Variants in SLC15A2 observed in about 807,000 individuals in gnomAD.
SLC15A2 encodes kidney H(+)/peptide cotransporter.
Under a neutral mutation model 95.5 loss-of-function variants are expected in SLC15A2, and 77 were observed. The observed-to-expected ratio is 0.81, with a 90% CI of 0.67 to 0.97. SLC15A2 has a LOEUF of 0.97. Among genes scored for constraint, SLC15A2 ranks in the 50% least tolerant of loss-of-function variants. The pLI is 0.00. For synonymous variants in SLC15A2, 306 were observed against 306.9 expected (o/e 1.00, Z 0.03); for missense variants, 893 against 874.4 (o/e 1.02, Z -0.27).
intron 1 of SLC15A2, among the ~76,000 whole-genome samples, chr3:121,894,958 G>C (rs1244683179): frequency 6.6e-6 from 1 of 152,194 alleles, no homozygotes; most frequent in Non-Finnish European, 1.5e-5. Context: ...CTCCCTGTGT[G>C]CAGAGTCTTC....
intron 13 of SLC15A2, among the ~76,000 whole-genome samples, chr3:121,925,781 TAAA>T (rs200367167): frequency 3.0e-4 from 12 of 39,380 alleles, no homozygotes; most frequent in Admixed American, 5.8e-4. Context: ...TATATATATA[TAAA>T]ATACAACTAC....
chr3:121,938,065 G>A (rs1046204923), intron 19 of SLC15A2, among the ~76,000 whole-genome samples: 91 of 147,308 alleles, frequency 6.2e-4, no homozygotes, highest in South Asian at 1.3e-3. Context: ...GTGCCTCCCA[G>A]TTAGGCTGCT....
chr3:121,896,922 G>C (rs1881996), intron 2 of SLC15A2, among the ~76,000 whole-genome samples: 5 of 130,192 alleles, frequency 3.8e-5, no homozygotes, highest in South Asian at 4.9e-4. Flanking sequence ...AAAAAAAAGG[G>C]GGGGGAGGGA....
intron 13 of SLC15A2, among the ~76,000 whole-genome samples, chr3:121,927,093 G>A (rs1250584235): frequency 6.6e-6 from 1 of 152,182 alleles, no homozygotes; most frequent in South Asian, 2.1e-4. Context: ...TAGGCTCATG[G>A]GTGGAAGGGA....
At chr3:121,913,377 G>A (rs1709813574) in intron 5 of SLC15A2, among the ~76,000 whole-genome samples, 1 of 152,208 alleles carries the variant, frequency 6.6e-6, no homozygotes, top group Non-Finnish European at 1.5e-5. Flanking sequence ...AGTTAGCCTG[G>A]ACAAGAATTG....
At chr3:121,940,284 G>C in intron 20 of SLC15A2, 100 bp from the exon 21 acceptor site, 1 of 783,184 alleles carries the variant, frequency 1.3e-6, no homozygotes, top group South Asian at 1.5e-5. Context: ...AATAAGAGAA[G>C]TTCTAACTTG....
chr3:121,934,708 A>C (rs1172238779), intron 19 of SLC15A2, among the ~76,000 whole-genome samples: 1 of 152,196 alleles, frequency 6.6e-6, no homozygotes, highest in Non-Finnish European at 1.5e-5. Context: ...GTCGTCTGCA[A>C]ATAGGGACAA....
intron 17 of SLC15A2, among the ~76,000 whole-genome samples, chr3:121,929,701 G>C (rs191796381): frequency 6.6e-6 from 1 of 152,198 alleles, no homozygotes; most frequent in East Asian, 1.9e-4. Flanking sequence ...CTTCATTTTT[G>C]ATAGTTGAAT....
At chr3:121,906,126 CT>C (rs896929462) in intron 3 of SLC15A2, among the ~76,000 whole-genome samples, 8 of 152,092 alleles carry the variant, frequency 5.3e-5, no homozygotes, top group Admixed American at 5.2e-4. Flanking sequence ...CTCTTTTGAT[CT>C]TTGTTGGTTT....
chr3:121,915,008 A>G, intron 5 of SLC15A2: 3 of 1,314,838 alleles, frequency 2.3e-6, no homozygotes, highest in Non-Finnish European at 2.9e-6. Flanking sequence ...AAAGGGAGGA[A>G]AAGAATGCTA....
chr3:121,931,280 A>G (rs1274081863), intron 18 of SLC15A2, among the ~76,000 whole-genome samples: 2 of 152,200 alleles, frequency 1.3e-5, no homozygotes, highest in East Asian at 1.9e-4. Flanking sequence ...TTACACTGGC[A>G]CTTCATTACT....
intron 3 of SLC15A2, among the ~76,000 whole-genome samples, chr3:121,909,340 G>A (rs191622081): frequency 6.6e-6 from 1 of 152,324 alleles, no homozygotes; most frequent in Admixed American, 6.5e-5. Flanking sequence ...TGGGATTACA[G>A]GGGTGAACCA....
chr3:121,931,757 C>G, intron 19 of SLC15A2, 22 bp downstream of exon 19: 1 of 1,377,040 alleles, frequency 7.3e-7, no homozygotes. Flanking sequence ...ACAGCCACCT[C>G]TTTACCCTCT....
chr3:121,914,997 A>G (rs1447706464), intron 5 of SLC15A2: 22 of 1,289,378 alleles, frequency 1.7e-5, no homozygotes, highest in Non-Finnish European at 2.1e-5. Context: ...TTAACCTATG[A>G]AAAGGGAGGA....
intron 8 of SLC15A2, 122 bp from the exon 9 acceptor site, chr3:121,922,653 T>G (rs1172261589): frequency 6.7e-6 from 4 of 600,362 alleles, no homozygotes; most frequent in East Asian, 5.8e-5. Context: ...AATGCCTGAT[T>G]AGGTCAAAGA....
intron 19 of SLC15A2, among the ~76,000 whole-genome samples, chr3:121,938,168 A>G (rs1459455733): frequency 6.6e-6 from 1 of 151,764 alleles, no homozygotes; most frequent in African/African-American, 2.4e-5. Flanking sequence ...CTCTCTTCAA[A>G]GCTGTCAGAC....
At chr3:121,906,234 T>G (rs1709639960) in intron 3 of SLC15A2, among the ~76,000 whole-genome samples, 1 of 152,202 alleles carries the variant, frequency 6.6e-6, no homozygotes. Context: ...TATCCCTTTA[T>G]TTTGAGCCTA....
At chr3:121,923,389 C>A in intron 11 of SLC15A2, 123 bp downstream of exon 11, 2 of 918,110 alleles carry the variant, frequency 2.2e-6, no homozygotes, top group East Asian at 2.5e-5. Flanking sequence ...TGCTTTTAGC[C>A]TGAAGGTACC....
chr3:121,901,887 C>T (rs1242601409), intron 3 of SLC15A2, among the ~76,000 whole-genome samples: 2 of 151,854 alleles, frequency 1.3e-5, no homozygotes, highest in African/African-American at 4.8e-5. Flanking sequence ...CTTTTATTCA[C>T]GTGTTACTTT....
Sources: gnomAD v4.1 joint callset for allele counts (sites outside exome capture counted in the v4.1 genomes callset) on GRCh38, gnomAD v4.1.1 for gene constraint, MANE v1.5 for transcripts, NCBI Gene and HGNC (gene_info 2026-07-23, HGNC 2026-07-21) for gene names.